BAIAP2L1: variants seen among roughly 807,000 people sequenced by gnomAD.
The protein encoded by BAIAP2L1 is BAR/IMD domain containing adaptor protein 2 like 1.
A neutral mutation model predicts 66.3 loss-of-function variants in BAIAP2L1; 35 were observed. The ratio of observed to expected loss-of-function variants is 0.53; its 90% CI spans 0.40 to 0.70. The LOEUF is 0.70. Ranked by LOEUF, BAIAP2L1 falls within the 30% of genes least tolerant of loss-of-function variation. BAIAP2L1 has a pLI of 0.00. For synonymous variants in BAIAP2L1, 269 were observed against 248.7 expected (o/e 1.08, Z -0.77); for missense variants, 622 against 656.9 (o/e 0.95, Z 0.58).
At chr7:98,302,337 C>G (rs1800464477) in intron 12 of BAIAP2L1, among the ~76,000 whole-genome samples, 1 of 152,220 alleles carries the variant, frequency 6.6e-6, no homozygotes, top group Admixed American at 6.5e-5. Flanking sequence ...CTCTCACTTA[C>G]AATGCCAGAG....
chr7:98,295,745 A>C (rs1157559566), intron 12 of BAIAP2L1, among the ~76,000 whole-genome samples: 2 of 152,048 alleles, frequency 1.3e-5, no homozygotes, highest in East Asian at 3.9e-4. Flanking sequence ...TAGAAACCAG[A>C]AACACCCTCC....
At position 98,307,775 on chromosome 7, in the gene BAIAP2L1, G is replaced by C. The variant is rs970133355; in HGVS notation, c.1077C>G (p.Leu359=). The C allele has an allele frequency of 2.5e-6, 4 of 1,614,136 alleles. No homozygotes were observed. Among genetic ancestry groups the C allele is most frequent in the Non-Finnish European group, 3.4e-6 (4 of 1,180,054 alleles). Residue 359 remains leucine, a synonymous_variant, in exon 10 of 14, where the codon CTC becomes CTG. Coordinates refer to ENST00000005260, the MANE Select transcript of BAIAP2L1 (RefSeq NM_018842.5). ...TGATGACATCTCCCTGTGCAAAGCT[G>C]AGTAAGGTCTTGTTGGAGCCCGCAG... ...PHTAGSNKTL[L]SFAQGDVITL...
intron 2 of BAIAP2L1, chr7:98,355,371 G>A: frequency 3.9e-6 from 2 of 519,118 alleles, no homozygotes; most frequent in Non-Finnish European, 7.0e-6. Context: ...TCAGCAGCAG[G>A]TGCTGAAAGT....
At chr7:98,301,342 C>A (rs1800410152) in intron 12 of BAIAP2L1, among the ~76,000 whole-genome samples, 1 of 152,188 alleles carries the variant, frequency 6.6e-6, no homozygotes. Flanking sequence ...TCAATGACAA[C>A]TGAAATGATT....
chr7:98,351,899 C>T (rs980315727), intron 3 of BAIAP2L1, among the ~76,000 whole-genome samples: 16 of 152,254 alleles, frequency 1.1e-4, no homozygotes, highest in South Asian at 1.0e-3. Flanking sequence ...ACCCTCGAGG[C>T]GCACAGAATG....
chr7:98,335,458 A>G (rs775371757), intron 3 of BAIAP2L1, among the ~76,000 whole-genome samples: 1 of 152,176 alleles, frequency 6.6e-6, no homozygotes, highest in African/African-American at 2.4e-5. Flanking sequence ...GTGTGTGTAT[A>G]TATTTCATCA....
intron 3 of BAIAP2L1, among the ~76,000 whole-genome samples, chr7:98,332,457 A>G (rs1356634113): frequency 1.3e-5 from 2 of 149,998 alleles, no homozygotes; most frequent in African/African-American, 4.9e-5. Context: ...GTGAGGTACA[A>G]TCTAGTCTTC....
At chr7:98,294,908 T>G (rs1203433965) in intron 12 of BAIAP2L1, among the ~76,000 whole-genome samples, 1 of 152,100 alleles carries the variant, frequency 6.6e-6, no homozygotes, top group Admixed American at 6.5e-5. Flanking sequence ...GGGCCAGGTG[T>G]GTGCGCGCCT....
At chr7:98,377,546 C>A (rs183154851) in intron 1 of BAIAP2L1, among the ~76,000 whole-genome samples, 65 of 152,240 alleles carry the variant, frequency 4.3e-4, no homozygotes, top group South Asian at 2.1e-3. Flanking sequence ...AGGCCAGGCC[C>A]GGTGGCTCAC....
intron 1 of BAIAP2L1, among the ~76,000 whole-genome samples, chr7:98,398,893 G>A (rs1414475871): frequency 6.6e-6 from 1 of 152,152 alleles, no homozygotes; most frequent in Non-Finnish European, 1.5e-5. Flanking sequence ...TTGGAAGAAG[G>A]GCGGAAGGCA....
chr7:98,333,839 G>A (rs1050033136), intron 3 of BAIAP2L1, among the ~76,000 whole-genome samples: 11 of 142,466 alleles, frequency 7.7e-5, no homozygotes, highest in African/African-American at 1.3e-4. Flanking sequence ...CCTGGCTCAC[G>A]GCTCCACGAT....
rs12670216 is a variant in BAIAP2L1, at chr7:98,344,101, C to T, written c.214+10941G>A. Among the ~76,000 whole-genome samples, 13 of 152,220 alleles carry T rather than the reference C, an allele frequency of 8.5e-5. No individual in the cohort carries two copies. The East Asian group carries it at 1.7e-3, about 20-fold the overall frequency. ...CTGAGGCAAGAGAATCACTTGAACCCGGTAGGTGGAGGTTGCAGTGAGCTG... is the reference window on the plus strand; with the variant it reads ...CTGAGGCAAGAGAATCACTTGAACCTGGTAGGTGGAGGTTGCAGTGAGCTG... On this transcript the variant is annotated intron_variant, in intron 3 of 13. Transcript: ENST00000005260.
intron 1 of BAIAP2L1, among the ~76,000 whole-genome samples, chr7:98,385,239 C>T (rs1485907842): frequency 6.6e-6 from 1 of 151,576 alleles, no homozygotes; most frequent in Non-Finnish European, 1.5e-5. Flanking sequence ...ACCCAGGAGG[C>T]GGAGGCTGCA....
intron 7 of BAIAP2L1, among the ~76,000 whole-genome samples, chr7:98,314,684 C>T (rs781482483): frequency 3.3e-5 from 5 of 152,076 alleles, no homozygotes; most frequent in African/African-American, 4.8e-5. Context: ...TGTCCTGATG[C>T]GCGTGAATGG....
intron 1 of BAIAP2L1, chr7:98,386,436 G>C: frequency 6.3e-7 from 1 of 1,596,208 alleles, no homozygotes. Context: ...TTGGGTCCTG[G>C]TGACGAGCGT....
At chr7:98,391,553 C>CA (rs993416514) in intron 1 of BAIAP2L1, among the ~76,000 whole-genome samples, 65 of 150,026 alleles carry the variant, frequency 4.3e-4, no homozygotes, top group South Asian at 1.3e-3. Flanking sequence ...ACTAAAAATA[C>CA]AAAAAAAAAT....
chr7:98,394,799 T>C (rs1803160901), intron 1 of BAIAP2L1, among the ~76,000 whole-genome samples: 1 of 152,194 alleles, frequency 6.6e-6, no homozygotes, highest in African/African-American at 2.4e-5. Flanking sequence ...GCACGACTCA[T>C]AATATCTTGG....
rs1203175873 is a variant in BAIAP2L1 at position 98,293,273 on chromosome 7, G to C, written c.*248C>G. ...ATTGAAACCAAGTTTACTGTTTCTTGAACAGAATAGGAAGAAAATATTTTA... is the reference window on the plus strand; with the variant it reads ...ATTGAAACCAAGTTTACTGTTTCTTCAACAGAATAGGAAGAAAATATTTTA... On this transcript the variant is annotated 3_prime_UTR_variant, in exon 14 of 14. Transcript: ENST00000005260. The C allele has an allele frequency of 7.3e-6, 3 of 408,234 alleles. No homozygotes were observed. The highest frequency in any genetic ancestry group is 1.3e-5 in the Non-Finnish European group (3 of 227,940). 25.3% of individuals were successfully genotyped at this position (408,234 alleles called of 1,614,324 possible). A position where few individuals can be genotyped will look rare whatever the true frequency, so the allele number is the denominator to read the frequency against.
chr7:98,374,912 C>G (rs1168917543), intron 1 of BAIAP2L1, among the ~76,000 whole-genome samples: 1 of 151,884 alleles, frequency 6.6e-6, no homozygotes, highest in Non-Finnish European at 1.5e-5. Context: ...ATAGCAAAAC[C>G]CTGTCTCTAC....
Sources: gnomAD v4.1 joint callset for allele counts (sites outside exome capture counted in the v4.1 genomes callset) on GRCh38, gnomAD v4.1.1 for gene constraint, MANE v1.5 for transcripts, NCBI Gene and HGNC (gene_info 2026-07-23, HGNC 2026-07-21) for gene names.